The following SNTG1 variants were observed in gnomAD, a reference collection of about 807,000 sequenced individuals.
SNTG1 encodes the protein syntrophin gamma 1, also known as gamma-1-syntrophin.
In SNTG1, 39 loss-of-function variants were observed where a neutral mutation model predicts 74.7. The ratio of observed to expected loss-of-function variants is 0.52; its 90% confidence interval spans 0.40 to 0.68. SNTG1 has a LOEUF of 0.68. Ranked by LOEUF, SNTG1 falls within the 30% of genes least tolerant of loss-of-function variation. The pLI is 0.00. For synonymous variants in SNTG1, 254 were observed against 217.1 expected, an observed-to-expected ratio of 1.17 and a Z score of -1.49; for missense variants, 685 against 609.5, an observed-to-expected ratio of 1.12 and a Z score of -1.30.
At chr8:50,347,960 G>A (rs1016327117) in intron 2 of SNTG1, among the ~76,000 whole-genome samples, 18 of 152,106 alleles carry the variant, frequency 1.2e-4, no homozygotes, top group African/African-American at 4.1e-4. Flanking sequence ...TAATGTTACA[G>A]GATGTTTGCT....
chr8:50,340,218 G>A (rs1221914724), intron 2 of SNTG1, among the ~76,000 whole-genome samples: 1 of 151,942 alleles, frequency 6.6e-6, no homozygotes, highest in East Asian at 1.9e-4. Flanking sequence ...CTAATAAACT[G>A]ATTCTAAATT....
At chr8:50,064,328 A>G (rs1820723775) in intron 1 of SNTG1, among the ~76,000 whole-genome samples, 1 of 151,862 alleles carries the variant, frequency 6.6e-6, no homozygotes, top group Admixed American at 6.6e-5. Flanking sequence ...ATCTTTCTAT[A>G]CTTCACTCCT....
chr8:50,499,234 G>C (rs1585472746), intron 8 of SNTG1, among the ~76,000 whole-genome samples: 1 of 151,792 alleles, frequency 6.6e-6, no homozygotes, highest in Non-Finnish European at 1.5e-5. Context: ...ATTACTCATA[G>C]CAATGTTTTG....
intron 2 of SNTG1, among the ~76,000 whole-genome samples, chr8:50,175,209 G>C (rs1047956824): frequency 6.6e-6 from 1 of 151,984 alleles, no homozygotes; most frequent in Non-Finnish European, 1.5e-5. Flanking sequence ...ATGATTTATA[G>C]TCCTTTGGGT....
intron 1 of SNTG1, among the ~76,000 whole-genome samples, chr8:49,948,058 G>T (rs1809365886): frequency 6.6e-6 from 1 of 152,058 alleles, no homozygotes; most frequent in Non-Finnish European, 1.5e-5. Flanking sequence ...TTGAGCCTGG[G>T]AAGCAGAGGT....
chr8:50,307,331 T>A (rs1374775519), intron 2 of SNTG1, among the ~76,000 whole-genome samples: 1 of 152,098 alleles, frequency 6.6e-6, no homozygotes, highest in African/African-American at 2.4e-5. Context: ...ATGAGATATT[T>A]AAGCACTGTT....
chr8:50,174,371 T>C (rs2082917099), intron 2 of SNTG1, among the ~76,000 whole-genome samples: 1 of 152,136 alleles, frequency 6.6e-6, no homozygotes, highest in Non-Finnish European at 1.5e-5. Context: ...GATTGCTGGG[T>C]CAAATGGTAT....
chr8:50,023,202 G>T (rs896532455), intron 1 of SNTG1, among the ~76,000 whole-genome samples: 6 of 152,070 alleles, frequency 3.9e-5, no homozygotes, highest in African/African-American at 1.4e-4. Flanking sequence ...GGAAGAGACG[G>T]GAAGGAAGCA....
chr8:49,929,660 C>T (rs1428234504), intron 1 of SNTG1, among the ~76,000 whole-genome samples: 1 of 152,120 alleles, frequency 6.6e-6, no homozygotes, highest in Admixed American at 6.6e-5. Flanking sequence ...GGATGAGATC[C>T]CTGAATCACG....
chr8:50,281,358 T>G (rs569199891), intron 2 of SNTG1, among the ~76,000 whole-genome samples: 1 of 152,278 alleles, frequency 6.6e-6, no homozygotes, highest in African/African-American at 2.4e-5. Flanking sequence ...TGGAATCCCC[T>G]TGGTTCATAG....
At chr8:50,043,749 CT>C (rs1339032686) in intron 1 of SNTG1, among the ~76,000 whole-genome samples, 2 of 152,136 alleles carry the variant, frequency 1.3e-5, no homozygotes. Context: ...GAAAGTGTTG[CT>C]TGTGGAACAG....
chr8:50,161,252 T>C (rs2082407007), intron 1 of SNTG1, among the ~76,000 whole-genome samples: 1 of 152,182 alleles, frequency 6.6e-6, no homozygotes, highest in African/African-American at 2.4e-5. Flanking sequence ...TGGAACACTA[T>C]ATGATCAGTT....
At chr8:50,189,958 A>T (rs545185826) in intron 2 of SNTG1, among the ~76,000 whole-genome samples, 7 of 152,286 alleles carry the variant, frequency 4.6e-5, no homozygotes, top group Non-Finnish European at 7.4e-5. Context: ...TTGAGTGAAG[A>T]TTATTTTGTG....
Position 50,625,421 on chromosome 8 carries a change from G to A in SNTG1, c.850-31488G>A, listed in dbSNP as rs185464681. Among the ~76,000 whole-genome samples the A allele has an allele frequency of 4.4e-3, 669 of 152,248 alleles. 10 individuals are homozygous for A. The highest frequency in any genetic ancestry group is 0.015 in the African/African-American group (606 of 41,550). On this transcript the variant is annotated intron_variant, in intron 13 of 18. Transcript: ENST00000642720. ...GATGACTATGTCAAGATGAAGTCATGGGTATACTGATCAACTTGGTTTAAC... is the reference window on the plus strand; with the variant it reads ...GATGACTATGTCAAGATGAAGTCATAGGTATACTGATCAACTTGGTTTAAC...
chr8:50,339,581 A>G (rs1438927776), intron 2 of SNTG1, among the ~76,000 whole-genome samples: 1 of 151,986 alleles, frequency 6.6e-6, no homozygotes, highest in African/African-American at 2.4e-5. Context: ...GTAGTCTTAT[A>G]TTAGTTTTAA....
At chr8:50,598,239 T>A (rs2094745422) in intron 13 of SNTG1, among the ~76,000 whole-genome samples, 1 of 151,936 alleles carries the variant, frequency 6.6e-6, no homozygotes, top group South Asian at 2.1e-4. Flanking sequence ...TAAATTTAAG[T>A]CTTTAAGACA....
chr8:50,323,628 C>A (rs2090616566), intron 2 of SNTG1, among the ~76,000 whole-genome samples: 2 of 152,102 alleles, frequency 1.3e-5, no homozygotes, highest in Admixed American at 1.3e-4. Context: ...CCTTTATTTT[C>A]TCAGAAACAA....
intron 17 of SNTG1, among the ~76,000 whole-genome samples, chr8:50,714,540 C>T (rs1241887394): frequency 1.3e-5 from 2 of 152,050 alleles, no homozygotes; most frequent in African/African-American, 4.8e-5. Context: ...AATCAGATTT[C>T]AGATTTTTGA....
chr8:50,647,535 C>CT (rs1400631717), intron 13 of SNTG1, among the ~76,000 whole-genome samples: 1 of 151,932 alleles, frequency 6.6e-6, no homozygotes, highest in African/African-American at 2.4e-5. Flanking sequence ...AGTGGGGCAG[C>CT]TGTGCAAGTT....
Sources: allele counts gnomAD v4.1 joint callset (sites outside exome capture counted in the v4.1 genomes callset), GRCh38; gene constraint gnomAD v4.1.1; transcripts MANE v1.5; gene names NCBI Gene and HGNC (gene_info 2026-07-23, HGNC 2026-07-21).